SLC6A17: variants seen among roughly 807,000 people sequenced by gnomAD.
SLC6A17 encodes the protein sodium-dependent neutral amino acid transporter SLC6A17.
A neutral mutation model predicts 64.5 loss-of-function variants in SLC6A17; 21 were observed. That is an observed-to-expected ratio of 0.33 (90% CI 0.23 to 0.47). The LOEUF (loss-of-function observed/expected upper bound fraction) is 0.47. SLC6A17 is among the 20% of genes least tolerant of loss of function. The probability of loss-of-function intolerance (pLI) is 1.00; values close to 1 mark genes in which losing one functional copy is unlikely to be tolerated. For synonymous variants in SLC6A17, 372 were observed against 399.5 expected (o/e 0.93, Z 0.82); for missense variants, 682 against 963.2 (o/e 0.71, Z 3.86).
intron 1 of SLC6A17, among the ~76,000 whole-genome samples, chr1:110,161,071 T>C (rs906367407): frequency 1.3e-5 from 2 of 152,150 alleles, no homozygotes; most frequent in African/African-American, 4.8e-5. Flanking sequence ...CCTGCCTGTG[T>C]CCTGGGCCAG....
chr1:110,178,624 C>A, intron 6 of SLC6A17: 1 of 153,826 alleles, frequency 6.5e-6, no homozygotes, highest in South Asian at 1.8e-4. Flanking sequence ...ATTTATTGCT[C>A]ACAGTTCTGG....
chr1:110,171,803 T>C (rs2101846541), intron 2 of SLC6A17, among the ~76,000 whole-genome samples: 1 of 152,184 alleles, frequency 6.6e-6, no homozygotes, highest in African/African-American at 2.4e-5. Flanking sequence ...AACCTAGCCT[T>C]GTGAGTTGAC....
At chr1:110,162,796 C>G (rs1049845836) in intron 1 of SLC6A17, among the ~76,000 whole-genome samples, 1 of 152,114 alleles carries the variant, frequency 6.6e-6, no homozygotes, top group African/African-American at 2.4e-5. Flanking sequence ...AGGTACCATT[C>G]ATGAGCACTT....
In SLC6A17 at chr1:110,191,903, G is replaced by A. The variant is rs1451315244; in HGVS notation, c.865-69G>A. The stretch of plus-strand genomic sequence containing the variant: ...AACTCTGTTGAGGCTGAGAAAGGGG[G>A]TGTGCACATGAATAAAACCATCCCC... On this transcript the variant is annotated intron_variant, in intron 6 of 11. Transcript: ENST00000331565. 3.2e-6 allele frequency: 5 copies of A among 1,560,966 alleles called. No homozygotes were observed. In the East Asian group the frequency reaches 6.8e-5, roughly 21 times the overall value.
chr1:110,192,335 A>G lies in SLC6A17; in HGVS notation c.1106+122A>G. 1 of 1,481,248 alleles carries G rather than the reference A, an allele frequency of 6.8e-7. No individual in the cohort carries two copies. The highest frequency in any genetic ancestry group is 9.1e-7 in the Non-Finnish European group (1 of 1,094,470). The allele number at this position is 1,481,248 out of a possible 1,614,324, so 91.8% of individuals were successfully genotyped here. ...CCCCTCCACTCAGACTGAGGAATGG[A>G]GATCAGAGGAGCACTCTCTGTCCCC... On this transcript the variant is annotated intron_variant, in intron 7 of 11. Transcript: ENST00000331565. This position sits in a 1 kb window ranked among gnomAD's most constrained non-coding sequence, Gnocchi z 4.3.
rs372089544 is a variant in SLC6A17, at chr1:110,188,786, ATCCGAGGCTTGCTTC to A, written c.865-3178_865-3164del. ...TTCTCCGGATACTGCCCTTCTCCTG[ATCCGAGGCTTGCTTC>A]TCCGAGGACCTGCTTACCCACATTG... On this transcript the variant is annotated intron_variant, in intron 6 of 11. Coordinates refer to ENST00000331565, the MANE Select transcript of SLC6A17 (RefSeq NM_001010898.4). Among the ~76,000 whole-genome samples, 373 of 152,286 alleles carry A rather than the reference ATCCGAGGCTTGCTTC, an allele frequency of 2.4e-3. 2 individuals carry two copies. Among genetic ancestry groups the A allele is most frequent in the South Asian group, 6.9e-3 (33 of 4,812 alleles).
At chr1:110,156,106 G>A (rs1557828196) in intron 1 of SLC6A17, among the ~76,000 whole-genome samples, 1 of 152,036 alleles carries the variant, frequency 6.6e-6, no homozygotes, top group Admixed American at 6.6e-5. Context: ...GCTGTCCATG[G>A]TCCTGCCACA....
At chr1:110,166,645 C>G (rs1192476694) in intron 1 of SLC6A17, among the ~76,000 whole-genome samples, 198 bp from the exon 2 acceptor site, 5 of 152,188 alleles carry the variant, frequency 3.3e-5, no homozygotes, top group Non-Finnish European at 7.3e-5. Flanking sequence ...TCGGGTCAAG[C>G]CTCTGGAGAA....
intron 1 of SLC6A17, among the ~76,000 whole-genome samples, chr1:110,158,594 C>T (rs766927306): frequency 2.0e-4 from 30 of 152,216 alleles, no homozygotes; most frequent in African/African-American, 4.8e-4. Context: ...GACAACCCTA[C>T]GAGGTGTAGC....
At chr1:110,170,963 A>G (rs981160096) in intron 2 of SLC6A17, among the ~76,000 whole-genome samples, 1 of 151,990 alleles carries the variant, frequency 6.6e-6, no homozygotes, top group Non-Finnish European at 1.5e-5. Context: ...CTGTTACTCC[A>G]CTGTCCCCCC....
intron 1 of SLC6A17, among the ~76,000 whole-genome samples, chr1:110,160,153 A>G (rs528146822): frequency 7.2e-5 from 11 of 152,234 alleles, no homozygotes; most frequent in Non-Finnish European, 1.5e-4. Context: ...ACTGCTCCTC[A>G]TTTTACAGAT....
In SLC6A17 at chr1:110,199,983, G is replaced by A; in HGVS notation, c.*1539G>A. 1 of 397,232 alleles carries A rather than the reference G, an allele frequency of 2.5e-6. No homozygotes were observed. Among genetic ancestry groups the A allele is most frequent in the Non-Finnish European group, 4.4e-6 (1 of 225,690 alleles). The allele number at this position is 397,232 out of a possible 1,614,324, so 24.6% of individuals were successfully genotyped here. A position where few individuals can be genotyped will look rare whatever the true frequency, so the allele number is the denominator to read the frequency against. On this transcript the variant is annotated 3_prime_UTR_variant, in exon 12 of 12. Transcript: ENST00000331565. The stretch of plus-strand genomic sequence containing the variant: ...TGGATGGATGGACGGATGGGGTGGG[G>A]GAAGGAAGGAAAGGAGGGAGAAAGG...
Position 110,198,507 on chromosome 1 carries a change from G to A in SLC6A17, c.*63G>A. On this transcript the variant is annotated 3_prime_UTR_variant, in exon 12 of 12. Transcript: ENST00000331565. ...CAACCTGCCCACTTGTCCAGGCCTG[G>A]CCTCTTTCTTGAGGTGGCCACCAGG... The A allele has an allele frequency of 6.5e-7, 1 of 1,544,396 alleles. No individual in the cohort carries two copies. Among genetic ancestry groups the A allele is most frequent in the Non-Finnish European group, 8.7e-7 (1 of 1,147,698 alleles).
intron 2 of SLC6A17, among the ~76,000 whole-genome samples, chr1:110,171,859 G>C (rs1490076827): frequency 6.6e-6 from 1 of 152,128 alleles, no homozygotes; most frequent in Non-Finnish European, 1.5e-5. Context: ...GGGAGTCAAG[G>C]GGGAGAAGGA....
chr1:110,196,539 G>A (rs1201177541), intron 10 of SLC6A17, among the ~76,000 whole-genome samples: 3 of 152,176 alleles, frequency 2.0e-5, no homozygotes, highest in Non-Finnish European at 4.4e-5. Context: ...GTAAGACACT[G>A]CCACAAAGGA....
At chr1:110,193,516 C>T (rs904393345) in intron 8 of SLC6A17, among the ~76,000 whole-genome samples, 13 of 152,252 alleles carry the variant, frequency 8.5e-5, no homozygotes, top group Non-Finnish European at 1.5e-4. Flanking sequence ...TCACATGGGG[C>T]GGAGCCAGCT....
chr1:110,173,762 C>T (rs1283981806), intron 3 of SLC6A17, among the ~76,000 whole-genome samples: 1 of 152,180 alleles, frequency 6.6e-6, no homozygotes, highest in African/African-American at 2.4e-5. Context: ...CTGAAAAATT[C>T]CTTTGTGGAT....
chr1:110,159,824 GT>G (rs1382250742), intron 1 of SLC6A17, among the ~76,000 whole-genome samples: 1 of 152,176 alleles, frequency 6.6e-6, no homozygotes, highest in Non-Finnish European at 1.5e-5. Flanking sequence ...AAAACTAGAA[GT>G]TGGAAAAACA....
Position 110,199,930 on chromosome 1 carries a change from G to C in SLC6A17, c.*1486G>C, listed in dbSNP as rs1657078052. 1 of 394,606 alleles carries C rather than the reference G, an allele frequency of 2.5e-6. No individual in the cohort carries two copies. The allele number at this position is 394,606 out of a possible 1,614,324, so 24.4% of individuals were successfully genotyped here. ...GGATGGATGGATGGATGGATGGGTT[G>C]GGGGGTGGGGGTGGATGGATAGATG... On this transcript the variant is annotated 3_prime_UTR_variant, in exon 12 of 12. Coordinates refer to ENST00000331565, the MANE Select transcript of SLC6A17 (RefSeq NM_001010898.4).
Sources: gnomAD v4.1 joint callset for allele counts (sites outside exome capture counted in the v4.1 genomes callset) on GRCh38, gnomAD v4.1.1 for gene constraint, Gnocchi (gnomAD v3.1) non-coding constraint, MANE v1.5 for transcripts, NCBI Gene and HGNC (gene_info 2026-07-23, HGNC 2026-07-21) for gene names.